Variants in D2HGDH observed in about 807,000 individuals in gnomAD.
D2HGDH encodes the protein D-2-hydroxyglutarate dehydrogenase, mitochondrial.
D2HGDH carries 31 observed loss-of-function variants against 46.9 expected under a neutral mutation model. The observed-to-expected ratio is 0.66, with a 90% confidence interval of 0.50 to 0.89. The LOEUF (loss-of-function observed/expected upper bound fraction) is 0.89, where lower values mean the gene tolerates loss of function less well. D2HGDH is among the 40% of genes least tolerant of loss of function. The pLI, the probability that D2HGDH is intolerant of heterozygous loss-of-function variation, is 0.00. For synonymous variants in D2HGDH, 364 were observed against 332.6 expected, an observed-to-expected ratio of 1.09 and a Z score of -1.03; for missense variants, 698 against 720.8, an observed-to-expected ratio of 0.97 and a Z score of 0.36.
At chr2:241,744,575 A>T in intron 5 of D2HGDH, 134 bp from the exon 6 acceptor site, 2 of 1,108,312 alleles carry the variant, frequency 1.8e-6, no homozygotes, top group Non-Finnish European at 2.7e-6. Flanking sequence ...TGTCACTCGT[A>T]CAGGAGGAAA....
chr2:241,738,645 C>A (rs1693588292), intron 2 of D2HGDH, among the ~76,000 whole-genome samples: 1 of 152,214 alleles, frequency 6.6e-6, no homozygotes, highest in South Asian at 2.1e-4. Flanking sequence ...AACTGGCTGT[C>A]CCCCTGGGTC....
chr2:241,752,943 A>C (rs1481562421), intron 8 of D2HGDH, among the ~76,000 whole-genome samples: 1 of 74,370 alleles, frequency 1.3e-5, no homozygotes, highest in African/African-American at 5.2e-5. Context: ...CGCCACCCCC[A>C]GGGCGGACTG....
At position 241,755,869 on chromosome 2, in the gene D2HGDH, A is replaced by G; in HGVS notation, c.1161A>G (p.Glu387=). 1 of 1,612,844 alleles carries G rather than the reference A, an allele frequency of 6.2e-7. No homozygotes were observed. Among genetic ancestry groups the G allele is most frequent in the Non-Finnish European group, 8.5e-7 (1 of 1,179,338 alleles). The change falls in exon 9 of 10, where the codon GAA becomes GAG. Residue 387 remains glutamate, a synonymous_variant. Coordinates refer to ENST00000321264, the MANE Select transcript of D2HGDH (RefSeq NM_152783.5). ...RKVKMLWALR[E]RITEALSRDG... Reference sequence around the variant, plus strand: ...TCTAGATGCTGTGGGCCCTGAGGGAAAGGATCACAGAGGCGCTGAGCCGGG... The same window carrying G: ...TCTAGATGCTGTGGGCCCTGAGGGAGAGGATCACAGAGGCGCTGAGCCGGG...
chr2:241,751,899 TCGGTCACCGTCACCGGGGCCTGGGC>T (rs1451591683), intron 8 of D2HGDH, among the ~76,000 whole-genome samples: 2 of 139,800 alleles, frequency 1.4e-5, no homozygotes, highest in African/African-American at 5.8e-5. Context: ...GGGGGAGCCC[TCGGTCACCGTCACCGGGGCCTGGGC>T]AGGGGGAGCC....
rs1448600831 is a variant in D2HGDH at position 241,743,679 on chromosome 2, A to T, written c.548A>T (p.Glu183Val). 1 of 1,613,954 alleles carries T rather than the reference A, an allele frequency of 6.2e-7. No individual in the cohort carries two copies. The highest frequency in any genetic ancestry group is 1.1e-5 in the South Asian group (1 of 91,044). ...VLEELSRYVE[E>V]RDFIMPLDLG... ...GAGGAGCTGAGCCGGTATGTGGAGG[A>T]ACGGGACTTCATCATGCCGCTGGAC... The change falls in exon 5 of 10, where the codon GAA becomes GTA. Residue 183 changes from glutamate (E) to valine (V), a missense_variant. By Grantham distance (121) the Glu-to-Val change is moderately radical (BLOSUM62 -2). Transcript: ENST00000321264. The surrounding 1 kb of genome is among the most constrained non-coding windows in gnomAD (Gnocchi z 4.8).
chr2:241,753,469 G>T (rs182433875), intron 8 of D2HGDH, among the ~76,000 whole-genome samples: 21 of 152,294 alleles, frequency 1.4e-4, no homozygotes, highest in African/African-American at 4.1e-4. Context: ...CTGTTGTCCG[G>T]TGTTGGCGAG....
intron 2 of D2HGDH, among the ~76,000 whole-genome samples, chr2:241,738,235 C>T (rs900853865): frequency 6.6e-6 from 1 of 152,152 alleles, no homozygotes; most frequent in Non-Finnish European, 1.5e-5. Flanking sequence ...TGGCCCAGGG[C>T]CTGTGGGCTC....
Position 241,743,803 on chromosome 2 carries a change from G to A in D2HGDH, c.672G>A (p.Leu224=), listed in dbSNP as rs1262248474. 1 of 1,602,202 alleles carries A rather than the reference G, an allele frequency of 6.2e-7. No homozygotes were observed. Among genetic ancestry groups the A allele is most frequent in the South Asian group, 1.1e-5 (1 of 89,188 alleles). The change falls in exon 5 of 10, where the codon CTG becomes CTA. Residue 224 remains leucine (L), a synonymous_variant. Coordinates refer to ENST00000321264, the MANE Select transcript of D2HGDH (RefSeq NM_152783.5). This position sits in a 1 kb window ranked among gnomAD's most constrained non-coding sequence, Gnocchi z 4.8. Reference sequence around the variant, plus strand: ...ATGGCTCACTGCATGGGACTGTCCTGGGCCTGGAAGTGGTGAGCTGGGGCA... The same window carrying A: ...ATGGCTCACTGCATGGGACTGTCCTAGGCCTGGAAGTGGTGAGCTGGGGCA... ...LRYGSLHGTV[L]GLEVVLADGT...
chr2:241,744,786 G>C lies in D2HGDH; in HGVS notation c.762G>C (p.Leu254=). ...ACACGGGCTATGACCTGAAGCAGCT[G>C]TTCATCGGGTCGGAGGGCACTTTGG... ...KDNTGYDLKQ[L]FIGSEGTLGI... Residue 254 remains leucine, a synonymous_variant, in exon 6 of 10, where the codon CTG becomes CTC. Transcript: ENST00000321264. The C allele has an allele frequency of 6.2e-7, 1 of 1,614,224 alleles. No homozygotes were observed. Among genetic ancestry groups the C allele is most frequent in the Non-Finnish European group, 8.5e-7 (1 of 1,180,028 alleles).
At chr2:241,760,031 C>A (rs943095640) in intron 9 of D2HGDH, among the ~76,000 whole-genome samples, 15 of 150,848 alleles carry the variant, frequency 9.9e-5, no homozygotes, top group Middle Eastern at 3.5e-3. Context: ...CCCAATCAGT[C>A]GAAGGACTTC....
At chr2:241,757,372 C>T (rs531156163) in intron 9 of D2HGDH, among the ~76,000 whole-genome samples, 5 of 149,670 alleles carry the variant, frequency 3.3e-5, no homozygotes, top group Middle Eastern at 3.4e-3. Context: ...AAGAGGGGTA[C>T]GGGAGCCCCA....
At chr2:241,750,389 G>A (rs1242144813) in intron 7 of D2HGDH, 95 bp downstream of exon 7, 3 of 1,355,618 alleles carry the variant, frequency 2.2e-6, no homozygotes, top group Admixed American at 4.0e-5. Flanking sequence ...TGGGCGGGGG[G>A]TGCCCGGGCG....
chr2:241,742,392 G>A lies in D2HGDH; in HGVS notation c.351-43G>A. 6.4e-7 allele frequency: 1 copy of A among 1,567,228 alleles called. No homozygotes were observed. The highest frequency in any genetic ancestry group is 8.7e-7 in the Non-Finnish European group (1 of 1,153,474). On this transcript the variant is annotated intron_variant, in intron 3 of 9. Transcript: ENST00000321264. The surrounding 1 kb of genome is among the most constrained non-coding windows in gnomAD (Gnocchi z 4.8). ...CGTGTCCTTGGGGATGGTGGCGTAG[G>A]GGTGGGGACAGAGCCCCAACGTCCC... is the stretch of plus-strand genomic sequence containing the variant.
At chr2:241,741,507 C>T (rs577707136) in intron 3 of D2HGDH, among the ~76,000 whole-genome samples, 1 of 145,878 alleles carries the variant, frequency 6.9e-6, no homozygotes, top group South Asian at 2.2e-4. Context: ...GGCTTGCTGT[C>T]TCCAGGGTTT....
At chr2:241,750,396 GGCGGGC>G in intron 7 of D2HGDH, 102 bp downstream of exon 7, 2 of 1,206,590 alleles carry the variant, frequency 1.7e-6, no homozygotes, top group Non-Finnish European at 1.2e-6. Context: ...GGGGTGCCCG[GGCGGGC>G]GGGTGGGGGG....
chr2:241,741,756 A>G (rs561629349), intron 3 of D2HGDH, among the ~76,000 whole-genome samples: 1 of 140,156 alleles, frequency 7.1e-6, no homozygotes, highest in South Asian at 2.3e-4. Flanking sequence ...TCCAGGGTTT[A>G]TTTCATGTGT....
At chr2:241,763,265 C>G (rs1294900514) in intron 9 of D2HGDH, among the ~76,000 whole-genome samples, 1 of 152,212 alleles carries the variant, frequency 6.6e-6, no homozygotes, top group African/African-American at 2.4e-5. Flanking sequence ...ACAGCCTCTT[C>G]CACACCAAGG....
At chr2:241,741,947 A>C (rs1694581045) in intron 3 of D2HGDH, among the ~76,000 whole-genome samples, 1 of 152,224 alleles carries the variant, frequency 6.6e-6, no homozygotes, top group African/African-American at 2.4e-5. Flanking sequence ...TGGTTTCTCC[A>C]AACCCCTAGC....
chr2:241,762,143 C>T (rs1458086401), intron 9 of D2HGDH, among the ~76,000 whole-genome samples: 1 of 144,658 alleles, frequency 6.9e-6, no homozygotes, highest in Non-Finnish European at 1.5e-5. Flanking sequence ...GCGATCTTGG[C>T]TCACTGCAAC....
Sources: gnomAD v4.1 joint callset for allele counts (sites outside exome capture counted in the v4.1 genomes callset) on GRCh38, gnomAD v4.1.1 for gene constraint, Gnocchi (gnomAD v3.1) non-coding constraint, MANE v1.5 for transcripts, NCBI Gene and HGNC (gene_info 2026-07-23, HGNC 2026-07-21) for gene names.